RIMS1: variants seen among roughly 807,000 people sequenced by gnomAD.
The protein encoded by RIMS1 is regulating synaptic membrane exocytosis 1, also known as regulating synaptic membrane exocytosis protein 1.
RIMS1 carries 83 observed loss-of-function variants against 214.1 expected under a neutral mutation model. The observed-to-expected ratio is 0.39, with a 90% CI of 0.32 to 0.47. RIMS1 has a LOEUF of 0.47. Ranked by LOEUF, RIMS1 falls within the 20% of genes least tolerant of loss-of-function variation. The pLI is 0.99. For synonymous variants in RIMS1, 793 were observed against 786.8 expected (o/e 1.01, Z -0.13); for missense variants, 2,050 against 2,161.8 (o/e 0.95, Z 1.03).
intron 13 of RIMS1, 67 bp from the exon 14 acceptor site, chr6:72,250,854 A>T: frequency 1.2e-6 from 1 of 827,792 alleles, no homozygotes; most frequent in South Asian, 2.2e-5. Context: ...TGGCAGTTTT[A>T]CATGTAACTA....
At chr6:72,303,531 C>T (rs1293137323) in intron 26 of RIMS1, among the ~76,000 whole-genome samples, 1 of 151,192 alleles carries the variant, frequency 6.6e-6, no homozygotes, top group East Asian at 1.9e-4. Flanking sequence ...TCTTATCTTG[C>T]ATACTCCAGT....
At chr6:72,295,169 A>G (rs1204486057) in intron 26 of RIMS1, among the ~76,000 whole-genome samples, 2 of 151,794 alleles carry the variant, frequency 1.3e-5, no homozygotes, top group East Asian at 3.8e-4. Context: ...TTCCATTATT[A>G]TATCACCTAT....
intron 2 of RIMS1, among the ~76,000 whole-genome samples, chr6:72,095,470 A>G (rs1455230177): frequency 6.6e-6 from 1 of 152,214 alleles, no homozygotes; most frequent in Non-Finnish European, 1.5e-5. Context: ...GAAATATCAC[A>G]TATATTCCTT....
At chr6:72,173,762 A>T (rs193133684) in intron 4 of RIMS1, among the ~76,000 whole-genome samples, 16 of 152,130 alleles carry the variant, frequency 1.1e-4, no homozygotes, top group African/African-American at 3.1e-4. Context: ...TTGATTAGCC[A>T]TATATAGGGG....
intron 2 of RIMS1, among the ~76,000 whole-genome samples, chr6:72,033,390 A>G (rs1791674874): frequency 6.6e-6 from 1 of 152,182 alleles, no homozygotes. Flanking sequence ...CATGTTAATT[A>G]CCTAATAAAC....
chr6:72,040,943 A>G (rs1411912556), intron 2 of RIMS1, among the ~76,000 whole-genome samples: 1 of 151,782 alleles, frequency 6.6e-6, no homozygotes, highest in African/African-American at 2.4e-5. Context: ...CCAAAAGCCT[A>G]TTTGTTATCT....
chr6:71,919,980 A>G (rs1779531459), intron 1 of RIMS1, among the ~76,000 whole-genome samples: 1 of 152,192 alleles, frequency 6.6e-6, no homozygotes, highest in Non-Finnish European at 1.5e-5. Flanking sequence ...CAACAAAACA[A>G]CAATATTTTG....
chr6:72,121,553 C>A (rs575627461), intron 4 of RIMS1, among the ~76,000 whole-genome samples: 2 of 152,038 alleles, frequency 1.3e-5, no homozygotes, highest in East Asian at 3.9e-4. Flanking sequence ...AGATTAGGGG[C>A]TGTGACAATG....
At chr6:72,242,682 T>A (rs1298817814) in intron 10 of RIMS1, among the ~76,000 whole-genome samples, 22 of 151,990 alleles carry the variant, frequency 1.4e-4, no homozygotes, top group African/African-American at 5.3e-4. Context: ...CAATATGTAC[T>A]TTTTGCAAGT....
At chr6:71,891,128 G>A (rs1769727889) in intron 1 of RIMS1, among the ~76,000 whole-genome samples, 2 of 135,576 alleles carry the variant, frequency 1.5e-5, no homozygotes, top group African/African-American at 2.6e-5. Context: ...CAGAGCCTGG[G>A]GCTTCACCTA....
rs1160037617 is a variant in RIMS1 at position 72,160,847 on chromosome 6, T to C, written c.472-18728T>C. ...AGGGATATTGGTCTGAAATTCTCTT[T>C]TTTTGTTGTGTCTCTGCCAGGCTTT... On this transcript the variant is annotated intron_variant, in intron 4 of 33. Coordinates refer to ENST00000521978, the MANE Select transcript of RIMS1 (RefSeq NM_014989.7). 3.1e-4 allele frequency among the ~76,000 whole-genome samples: 43 copies of C among 140,572 alleles called. 5 individuals are homozygous for C. The highest frequency in any genetic ancestry group is 5.0e-4 in the Non-Finnish European group (31 of 61,828). The allele number at this position is 140,572 out of a possible 152,430, so 92.2% of individuals were successfully genotyped here.
intron 4 of RIMS1, among the ~76,000 whole-genome samples, chr6:72,173,724 A>C (rs1005866513): frequency 6.6e-6 from 1 of 152,110 alleles, no homozygotes; most frequent in Non-Finnish European, 1.5e-5. Context: ...TTAATGTTAT[A>C]GTTTTTATTT....
At chr6:72,016,561 A>G (rs914815727) in intron 2 of RIMS1, among the ~76,000 whole-genome samples, 3 of 152,206 alleles carry the variant, frequency 2.0e-5, no homozygotes, top group African/African-American at 4.8e-5. Flanking sequence ...CTTTTCTTGA[A>G]TAATTGCTCC....
intron 2 of RIMS1, among the ~76,000 whole-genome samples, chr6:72,020,087 T>C (rs539200479): frequency 6.6e-6 from 1 of 152,344 alleles, no homozygotes. Flanking sequence ...GAGTGTTTTC[T>C]TATTTGACAA....
At chr6:72,085,047 A>C (rs1187071624) in intron 2 of RIMS1, among the ~76,000 whole-genome samples, 5 of 152,164 alleles carry the variant, frequency 3.3e-5, no homozygotes, top group Admixed American at 6.5e-5. Flanking sequence ...TAATAAGTCA[A>C]ATCTCCTGCT....
intron 6 of RIMS1, among the ~76,000 whole-genome samples, chr6:72,229,959 G>C (rs116140474): frequency 1.8e-3 from 268 of 151,818 alleles, no homozygotes; most frequent in African/African-American, 6.2e-3. Context: ...TTTTGTGTAT[G>C]CAGTGCATAA....
chr6:71,928,658 T>C (rs1330858381), intron 1 of RIMS1, among the ~76,000 whole-genome samples: 1 of 152,148 alleles, frequency 6.6e-6, no homozygotes, highest in African/African-American at 2.4e-5. Context: ...CTAATACTTT[T>C]TTTCTTCATC....
At chr6:72,231,722 A>T (rs2062032996) in intron 6 of RIMS1, among the ~76,000 whole-genome samples, 1 of 151,706 alleles carries the variant, frequency 6.6e-6, no homozygotes, top group African/African-American at 2.4e-5. Context: ...CTGTTTTCAT[A>T]ATAAAGTGTG....
intron 19 of RIMS1, chr6:72,262,071 C>G: frequency 1.0e-6 from 1 of 984,674 alleles, no homozygotes; most frequent in Non-Finnish European, 1.2e-6. Flanking sequence ...ACAAAACAAA[C>G]ACAAAAAAAA....
Sources: allele counts gnomAD v4.1 joint callset (sites outside exome capture counted in the v4.1 genomes callset), GRCh38; gene constraint gnomAD v4.1.1; transcripts MANE v1.5; gene names NCBI Gene and HGNC (gene_info 2026-07-23, HGNC 2026-07-21).